Variants in CRPPA observed in about 807,000 individuals in gnomAD.
CRPPA encodes the protein CDP-L-ribitol pyrophosphorylase A.
Under a neutral mutation model 52.0 loss-of-function variants are expected in CRPPA, and 43 were observed. The observed-to-expected ratio is 0.83, with a 90% CI of 0.65 to 1.07. CRPPA has a LOEUF of 1.07. Ranked by LOEUF, CRPPA falls within the 50% of genes least tolerant of loss-of-function variation. The probability of loss-of-function intolerance (pLI) is 0.00; values close to 1 mark genes in which losing one functional copy is unlikely to be tolerated. For missense variants in CRPPA, 629 were observed against 551.7 expected (o/e 1.14, Z -1.40); for synonymous variants, 250 against 203.5 (o/e 1.23, Z -1.94).
chr7:16,274,862 T>C (rs1334457233), intron 6 of CRPPA, among the ~76,000 whole-genome samples: 2 of 152,146 alleles, frequency 1.3e-5, no homozygotes, highest in Admixed American at 6.5e-5. Flanking sequence ...CCTAGAAATA[T>C]GATTTTAGTC....
At chr7:16,244,231 A>T (rs1783204411) in intron 8 of CRPPA, among the ~76,000 whole-genome samples, 1 of 152,152 alleles carries the variant, frequency 6.6e-6, no homozygotes, top group African/African-American at 2.4e-5. Flanking sequence ...ATCTTAGCTA[A>T]CAAAAATTTC....
intron 1 of CRPPA, among the ~76,000 whole-genome samples, chr7:16,410,140 T>TAAG (rs1788047675): frequency 6.6e-6 from 1 of 152,268 alleles, no homozygotes; most frequent in South Asian, 2.1e-4. Context: ...TTTGACCCTC[T>TAAG]GCTCTGGTTT....
intron 3 of CRPPA, among the ~76,000 whole-genome samples, chr7:16,318,068 G>A (rs1425679298): frequency 6.6e-6 from 1 of 152,128 alleles, no homozygotes; most frequent in Non-Finnish European, 1.5e-5. Flanking sequence ...CTAACTGGAA[G>A]CTCCATCCGT....
chr7:16,136,815 T>C (rs562732879), intron 9 of CRPPA, among the ~76,000 whole-genome samples: 2 of 152,230 alleles, frequency 1.3e-5, no homozygotes, highest in African/African-American at 4.8e-5. Flanking sequence ...TTTGTACACA[T>C]AGATCTCTTA....
At chr7:16,338,342 T>C (rs1428373872) in intron 3 of CRPPA, among the ~76,000 whole-genome samples, 1 of 152,116 alleles carries the variant, frequency 6.6e-6, no homozygotes, top group Non-Finnish European at 1.5e-5. Flanking sequence ...TACACTTCCA[T>C]GATAAAAACT....
intron 9 of CRPPA, among the ~76,000 whole-genome samples, chr7:16,189,997 A>G (rs1781576062): frequency 6.6e-6 from 1 of 152,184 alleles, no homozygotes; most frequent in African/African-American, 2.4e-5. Context: ...TAGTAGAGGG[A>G]CATTTACTGA....
In CRPPA at chr7:16,142,252, A is replaced by G. The variant is rs139380756; in HGVS notation, c.1252-50453T>C. ...AGGGCTACATGTGCAGGTTTGTTAC[A>G]TAGGTAAACTTGTGTCACAGAGGTT... On this transcript the variant is annotated intron_variant, in intron 9 of 9. Coordinates refer to ENST00000407010, the MANE Select transcript of CRPPA (RefSeq NM_001101426.4). Among the ~76,000 whole-genome samples the G allele has an allele frequency of 9.2e-5, 14 of 152,308 alleles. No individual in the cohort carries two copies. In the East Asian group the frequency reaches 2.7e-3, roughly 29 times the overall value.
At chr7:16,182,387 A>T (rs1022952683) in intron 9 of CRPPA, among the ~76,000 whole-genome samples, 17 of 152,258 alleles carry the variant, frequency 1.1e-4, no homozygotes, top group African/African-American at 3.4e-4. Context: ...ACAGAAAATG[A>T]ATTTTTAAAA....
chr7:16,348,052 G>A (rs1786060529), intron 3 of CRPPA, among the ~76,000 whole-genome samples: 1 of 152,074 alleles, frequency 6.6e-6, no homozygotes, highest in Admixed American at 6.6e-5. Context: ...TTCTTCCAGT[G>A]GCTACTTGGC....
At chr7:16,398,231 ACTGACACGTG>A (rs1787669586) in intron 2 of CRPPA, among the ~76,000 whole-genome samples, 3 of 43,448 alleles carry the variant, frequency 6.9e-5, no homozygotes, top group African/African-American at 5.5e-4. Flanking sequence ...TAATAACGTG[ACTGACACGTG>A]ACCAACACGT....
chr7:16,414,018 A>G (rs1294987746), intron 1 of CRPPA, among the ~76,000 whole-genome samples: 1 of 152,218 alleles, frequency 6.6e-6, no homozygotes, highest in East Asian at 1.9e-4. Context: ...TAAGGTCTAG[A>G]ATACTTTTTA....
At position 16,238,223 on chromosome 7, in the gene CRPPA, T is replaced by G. The variant is rs187890991; in HGVS notation, c.1119+20167A>C. Among the ~76,000 whole-genome samples, 13 of 152,262 alleles carry G rather than the reference T, an allele frequency of 8.5e-5. No homozygotes were observed. The East Asian group carries it at 2.5e-3, about 29-fold the overall frequency. The stretch of plus-strand genomic sequence containing the variant: ...TTCAGAAATCTAAAGTAAGATGCTG[T>G]TTTTTTAAAAAAGATTATATTATCA... On this transcript the variant is annotated intron_variant, in intron 8 of 9. Coordinates refer to ENST00000407010, the MANE Select transcript of CRPPA (RefSeq NM_001101426.4).
chr7:16,125,677 A>AT (rs1001655772), intron 9 of CRPPA, among the ~76,000 whole-genome samples: 24 of 152,160 alleles, frequency 1.6e-4, no homozygotes, highest in Non-Finnish European at 2.9e-4. Context: ...GAAATCAATT[A>AT]TTTTTTAATT....
At chr7:16,229,103 CT>C (rs1349768302) in intron 8 of CRPPA, among the ~76,000 whole-genome samples, 1 of 151,978 alleles carries the variant, frequency 6.6e-6, no homozygotes, top group Non-Finnish European at 1.5e-5. Context: ...GCTACTCCTA[CT>C]TTTTTGTTGT....
intron 9 of CRPPA, among the ~76,000 whole-genome samples, chr7:16,128,684 C>T (rs1359709330): frequency 2.0e-5 from 3 of 152,034 alleles, no homozygotes; most frequent in African/African-American, 7.3e-5. Flanking sequence ...ATACCATTTC[C>T]AAGTTGTTGG....
intron 9 of CRPPA, among the ~76,000 whole-genome samples, chr7:16,132,966 G>T (rs547924992): frequency 8.1e-6 from 1 of 123,008 alleles, no homozygotes; most frequent in Admixed American, 8.3e-5. Flanking sequence ...AGACTAGTCT[G>T]GGAAACATAG....
At chr7:16,105,302 A>C (rs1782129061) in intron 9 of CRPPA, among the ~76,000 whole-genome samples, 1 of 152,232 alleles carries the variant, frequency 6.6e-6, no homozygotes, top group South Asian at 2.1e-4. Flanking sequence ...ACAATGAGAA[A>C]GGTAAGAAGA....
intron 5 of CRPPA, among the ~76,000 whole-genome samples, chr7:16,278,759 A>G (rs111693595): frequency 1.3e-5 from 2 of 152,224 alleles, no homozygotes; most frequent in Non-Finnish European, 2.9e-5. Flanking sequence ...AAAACAACTG[A>G]AAGAATTTTC....
chr7:16,337,062 A>G (rs1001258217), intron 3 of CRPPA, among the ~76,000 whole-genome samples: 1 of 152,104 alleles, frequency 6.6e-6, no homozygotes, highest in African/African-American at 2.4e-5. Context: ...ACTTTCAAAA[A>G]TGGACCGACC....
Sources: gnomAD v4.1 joint callset for allele counts (sites outside exome capture counted in the v4.1 genomes callset) on GRCh38, gnomAD v4.1.1 for gene constraint, MANE v1.5 for transcripts, NCBI Gene and HGNC (gene_info 2026-07-23, HGNC 2026-07-21) for gene names.